Variants in KCTD7 observed in about 807,000 individuals in gnomAD.
KCTD7 encodes the protein BTB/POZ domain-containing protein KCTD7.
Under a neutral mutation model 27.0 loss-of-function variants are expected in KCTD7, and 15 were observed. The ratio of observed to expected loss-of-function variants is 0.56; its 90% CI spans 0.37 to 0.86. KCTD7 has a LOEUF of 0.86. Ranked by LOEUF, KCTD7 falls within the 40% of genes least tolerant of loss-of-function variation. The probability of loss-of-function intolerance (pLI) is 0.00; values close to 1 mark genes in which losing one functional copy is unlikely to be tolerated. For missense variants in KCTD7, 299 were observed against 398.9 expected (o/e 0.75, Z 2.13); for synonymous variants, 159 against 162.7 (o/e 0.98, Z 0.17).
Position 66,641,122 on chromosome 7 carries a change from T to A in KCTD7, c.*1890T>A. 1.0e-6 allele frequency: 1 copy of A among 985,396 alleles called. No individual in the cohort carries two copies. The highest frequency in any genetic ancestry group is 1.2e-6 in the Non-Finnish European group (1 of 829,916). The allele number at this position is 985,396 out of a possible 1,614,324, so 61.0% of individuals were successfully genotyped here. A position where few individuals can be genotyped will look rare whatever the true frequency, so the allele number is the denominator to read the frequency against. On this transcript the variant is annotated 3_prime_UTR_variant, in exon 4 of 4. Coordinates refer to ENST00000639828, the MANE Select transcript of KCTD7 (RefSeq NM_153033.5). ...AGATCTAAGAGGAAAGGATAGTCAT[T>A]CACGTTCTGAGATATGCGCTCTCTC...
Position 66,629,079 on chromosome 7 carries a change from G to T in KCTD7, c.15G>T (p.Thr5=). The T allele has an allele frequency of 1.3e-6, 2 of 1,528,358 alleles. No homozygotes were observed. The highest frequency in any genetic ancestry group is 1.8e-6 in the Non-Finnish European group (2 of 1,138,766). 94.7% of individuals were successfully genotyped at this position (1,528,358 alleles called of 1,614,324 possible). A position where few individuals can be genotyped will look rare whatever the true frequency, so the allele number is the denominator to read the frequency against. MVVV[T]GREPDSRRQD... Reference sequence around the variant, plus strand: ...GAGCCAGAGGGATGGTGGTAGTCACGGGGCGGGAGCCAGACAGCCGTCGTC... The same window carrying T: ...GAGCCAGAGGGATGGTGGTAGTCACTGGGCGGGAGCCAGACAGCCGTCGTC... Residue 5 remains threonine, a synonymous_variant, in exon 1 of 4, where the codon ACG becomes ACT. Coordinates refer to ENST00000639828, the MANE Select transcript of KCTD7 (RefSeq NM_153033.5).
At chr7:66,638,608 C>T in intron 3 of KCTD7, 177 bp downstream of exon 3, 1 of 826,110 alleles carries the variant, frequency 1.2e-6, no homozygotes. Context: ...GTGGGCCTAC[C>T]TGGCCTATGA....
chr7:66,629,133 C>T lies in KCTD7; in HGVS notation c.69C>T (p.Ala23=). The T allele has an allele frequency of 1.3e-6, 2 of 1,536,318 alleles. No homozygotes were observed. Among genetic ancestry groups the T allele is most frequent in the Non-Finnish European group, 1.7e-6 (2 of 1,143,614 alleles). Residue 23 remains alanine (A), a synonymous_variant, in exon 1 of 4, where the codon GCC becomes GCT. Coordinates refer to ENST00000639828, the MANE Select transcript of KCTD7 (RefSeq NM_153033.5). ...ACGGTGCCATGTCCAGCTCTGACGC[C>T]GAAGACGACTTTCTGGAGCCGGCCA... ...RQDGAMSSSD[A]EDDFLEPATP...
rs1584401919 is a variant in KCTD7 at position 66,642,807 on chromosome 7, C to T, written c.*3575C>T. The T allele has an allele frequency of 2.0e-6, 2 of 985,126 alleles. No homozygotes were observed. Among genetic ancestry groups the T allele is most frequent in the South Asian group, 9.4e-5 (2 of 21,272 alleles). The allele number at this position is 985,126 out of a possible 1,614,324, so 61.0% of individuals were successfully genotyped here. On this transcript the variant is annotated 3_prime_UTR_variant, in exon 4 of 4. Coordinates refer to ENST00000639828, the MANE Select transcript of KCTD7 (RefSeq NM_153033.5). ...AGAATCATATCTGTGTATATACATA[C>T]TGAGTGGGGAAGGATGGGGGTTGGC...
rs1161812753 is a variant in KCTD7, at chr7:66,640,956, C to A, written c.*1724C>A. The A allele has an allele frequency of 1.0e-6, 1 of 985,350 alleles. No individual in the cohort carries two copies. The highest frequency in any genetic ancestry group is 1.2e-6 in the Non-Finnish European group (1 of 829,990). 61.0% of individuals were successfully genotyped at this position (985,350 alleles called of 1,614,324 possible). On this transcript the variant is annotated 3_prime_UTR_variant, in exon 4 of 4. Transcript: ENST00000639828. ...TGTGTTCATATGAGGAAGAGAAGAC[C>A]AAGCCCTGGGACTTTGGCTGAATTC...
At chr7:66,635,878 C>T (rs1032604182) in intron 2 of KCTD7, among the ~76,000 whole-genome samples, 4 of 152,060 alleles carry the variant, frequency 2.6e-5, no homozygotes, top group Admixed American at 1.3e-4. Flanking sequence ...TTAGCTGGGC[C>T]TTGCCCCAGG....
Position 66,642,961 on chromosome 7 carries a change from C to G in KCTD7, c.*3729C>G. 1.0e-6 allele frequency: 1 copy of G among 985,300 alleles called. No individual in the cohort carries two copies. Among genetic ancestry groups the G allele is most frequent in the Non-Finnish European group, 1.2e-6 (1 of 829,900 alleles). 61.0% of individuals were successfully genotyped at this position (985,300 alleles called of 1,614,324 possible). ...GGTTTATGTACACACTATAACACTTCCTGTGTGAGTTCATGTACCTGTCTG... is the reference window on the plus strand; with the variant it reads ...GGTTTATGTACACACTATAACACTTGCTGTGTGAGTTCATGTACCTGTCTG... On this transcript the variant is annotated 3_prime_UTR_variant, in exon 4 of 4. Coordinates refer to ENST00000639828, the MANE Select transcript of KCTD7 (RefSeq NM_153033.5).
chr7:66,639,342 G>C lies in KCTD7; in HGVS notation c.*110G>C. 1 of 1,581,104 alleles carries C rather than the reference G, an allele frequency of 6.3e-7. No individual in the cohort carries two copies. Among genetic ancestry groups the C allele is most frequent in the Non-Finnish European group, 8.5e-7 (1 of 1,170,184 alleles). On this transcript the variant is annotated 3_prime_UTR_variant, in exon 4 of 4. Coordinates refer to ENST00000639828, the MANE Select transcript of KCTD7 (RefSeq NM_153033.5). ...TGACTGCCCCAGAATCTGCCGAGGT[G>C]AGAACAGCATCCTGAGGCACAGCTC... is the stretch of plus-strand genomic sequence containing the variant.
chr7:66,638,029 C>T (rs906568245), intron 2 of KCTD7, among the ~76,000 whole-genome samples: 18 of 152,212 alleles, frequency 1.2e-4, no homozygotes, highest in African/African-American at 4.1e-4. Context: ...AGGCCCTACT[C>T]TGTGCCAGGG....
intron 3 of KCTD7, 135 bp from the exon 4 acceptor site, chr7:66,638,721 C>G: frequency 8.9e-7 from 1 of 1,118,346 alleles, no homozygotes; most frequent in Non-Finnish European, 1.3e-6. Flanking sequence ...TTCATTGGCC[C>G]CCTGAGTCCC....
intron 1 of KCTD7, among the ~76,000 whole-genome samples, chr7:66,632,764 C>T (rs1786480910): frequency 6.6e-6 from 1 of 151,834 alleles, no homozygotes; most frequent in Non-Finnish European, 1.5e-5. Flanking sequence ...TATCAGGGGG[C>T]CAGGCACAGT....
At position 66,640,904 on chromosome 7, in the gene KCTD7, A is replaced by T; in HGVS notation, c.*1672A>T. On this transcript the variant is annotated 3_prime_UTR_variant, in exon 4 of 4. Transcript: ENST00000639828. ...ATCAGACTTACAGGACCAGATAGACAAGATGGGTATAAGGGGAGCTGAAGT... is the reference window on the plus strand; with the variant it reads ...ATCAGACTTACAGGACCAGATAGACTAGATGGGTATAAGGGGAGCTGAAGT... The T allele has an allele frequency of 1.0e-6, 1 of 986,312 alleles. No individual in the cohort carries two copies. Among genetic ancestry groups the T allele is most frequent in the Non-Finnish European group, 1.2e-6 (1 of 830,552 alleles). 61.1% of individuals were successfully genotyped at this position (986,312 alleles called of 1,614,324 possible).
rs551192794 is a variant in KCTD7 at position 66,636,330 on chromosome 7, G to A, written c.315-1923G>A. ...TAGAATCAGCCATGGCTGGATCTGAGCCTCTGGCAGCGGTGGCTACTTGAG... is the reference window on the plus strand; with the variant it reads ...TAGAATCAGCCATGGCTGGATCTGAACCTCTGGCAGCGGTGGCTACTTGAG... On this transcript the variant is annotated intron_variant, in intron 2 of 3. Transcript: ENST00000639828. Among the ~76,000 whole-genome samples, 3 of 152,052 alleles carry A rather than the reference G, an allele frequency of 2.0e-5. No individual in the cohort carries two copies. The East Asian group carries it at 5.8e-4, about 29-fold the overall frequency.
chr7:66,643,124 T>C, downstream of KCTD7: 1 of 984,552 alleles, frequency 1.0e-6, no homozygotes, highest in Non-Finnish European at 1.2e-6. Context: ...GCAAATATTT[T>C]TTATTTCTGC....
At chr7:66,631,910 T>C (rs773434337) in intron 1 of KCTD7, among the ~76,000 whole-genome samples, 18 of 152,286 alleles carry the variant, frequency 1.2e-4, no homozygotes, top group Admixed American at 7.2e-4. Context: ...GGGCAGCCCA[T>C]GATTGGTGAC....
intron 2 of KCTD7, among the ~76,000 whole-genome samples, chr7:66,635,287 C>T (rs1017654111): frequency 1.1e-4 from 16 of 152,160 alleles, no homozygotes; most frequent in Non-Finnish European, 2.2e-4. Context: ...GCTGGGATTA[C>T]AGGCCCAGCC....
chr7:66,635,526 C>T (rs955749153), intron 2 of KCTD7, among the ~76,000 whole-genome samples: 4 of 151,046 alleles, frequency 2.6e-5, no homozygotes, highest in Non-Finnish European at 4.4e-5. Flanking sequence ...TTTCAGAGTA[C>T]GTGGCTGGAA....
At position 66,641,059 on chromosome 7, in the gene KCTD7, G is replaced by A. The variant is rs1320818076; in HGVS notation, c.*1827G>A. 10 of 985,262 alleles carry A rather than the reference G, an allele frequency of 1.0e-5. No individual in the cohort carries two copies. Among genetic ancestry groups the A allele is most frequent in the Non-Finnish European group, 1.2e-5 (10 of 829,928 alleles). The allele number at this position is 985,262 out of a possible 1,614,324, so 61.0% of individuals were successfully genotyped here. On this transcript the variant is annotated 3_prime_UTR_variant, in exon 4 of 4. Transcript: ENST00000639828. ...TTCCAGGGCGTGGTTTTGCACTCCT[G>A]TTGTACTCTTTTAGAGGTGGAAAAG...
In KCTD7 at chr7:66,639,651, C is replaced by T. The variant is rs1786668556; in HGVS notation, c.*419C>T. 7.4e-7 allele frequency: 1 copy of T among 1,343,038 alleles called. No individual in the cohort carries two copies. The highest frequency in any genetic ancestry group is 2.9e-5 in the East Asian group (1 of 34,256). The allele number at this position is 1,343,038 out of a possible 1,614,324, so 83.2% of individuals were successfully genotyped here. A position where few individuals can be genotyped will look rare whatever the true frequency, so the allele number is the denominator to read the frequency against. On this transcript the variant is annotated 3_prime_UTR_variant, in exon 4 of 4. Coordinates refer to ENST00000639828, the MANE Select transcript of KCTD7 (RefSeq NM_153033.5). ...TGTTCAAGCGTCCCTCCCTTGTGCT[C>T]AGTATATTGGTGTGAACACGGAACA...
Sources: gnomAD v4.1 joint callset for allele counts (sites outside exome capture counted in the v4.1 genomes callset) on GRCh38, gnomAD v4.1.1 for gene constraint, MANE v1.5 for transcripts, NCBI Gene and HGNC (gene_info 2026-07-23, HGNC 2026-07-21) for gene names.